RHBG: variants seen among roughly 807,000 people sequenced by gnomAD.
RHBG encodes ammonium transporter Rh type B.
RHBG carries 39 observed loss-of-function variants against 40.1 expected under a neutral mutation model. That is an observed-to-expected ratio of 0.97 (90% CI 0.75 to 1.27). The LOEUF is 1.27. RHBG is among the 50% of genes most tolerant of loss of function. The probability of loss-of-function intolerance (pLI) is 0.00; values close to 1 mark genes in which losing one functional copy is unlikely to be tolerated. For missense variants in RHBG, 549 were observed against 588.1 expected, an observed-to-expected ratio of 0.93 and a Z score of 0.69; for synonymous variants, 237 against 252.5, an observed-to-expected ratio of 0.94 and a Z score of 0.58.
intron 7 of RHBG, 168 bp from the exon 8 acceptor site, chr1:156,382,580 C>A: frequency 1.2e-6 from 1 of 831,302 alleles, no homozygotes; most frequent in Non-Finnish European, 1.9e-6. Context: ...GTGGGCCTGG[C>A]TTGAGCAGTG....
rs749329354 is a variant in RHBG at position 156,369,396 on chromosome 1, C to G, written c.147C>G (p.Asn49Lys). 1 of 1,614,028 alleles carries G rather than the reference C, an allele frequency of 6.2e-7. No individual in the cohort carries two copies. ...ACGCTGCCCTCTGGCACCGGAGCAACCACAGTAACGCGGACAATGAATTTT... is the reference window on the plus strand; with the variant it reads ...ACGCTGCCCTCTGGCACCGGAGCAAGCACAGTAACGCGGACAATGAATTTT... ...KTDAALWHRS[N>K]HSNADNEFYF... Residue 49 changes from asparagine to lysine, a missense_variant, in exon 1 of 10, where the codon AAC (asparagine) becomes AAG (lysine). By Grantham distance (94) the Asn-to-Lys change is moderately conservative (BLOSUM62 0). Around this residue, in one of 3 missense-constraint regions of RHBG, gnomAD observed 99 missense variants for 85.2 expected, o/e 1.16. Coordinates refer to ENST00000537040, the MANE Select transcript of RHBG (RefSeq NM_020407.5).
chr1:156,369,513 C>T, intron 1 of RHBG, 77 bp downstream of exon 1: 1 of 1,430,308 alleles, frequency 7.0e-7, no homozygotes, highest in Admixed American at 2.5e-5. Context: ...TGGGAGGGAG[C>T]ATTTGGGTGC....
In RHBG at chr1:156,381,343, C is replaced by G. The variant is rs1352647700; in HGVS notation, c.674-4C>G. 1.2e-6 allele frequency: 2 copies of G among 1,613,876 alleles called. No homozygotes were observed. Among genetic ancestry groups the G allele is most frequent in the African/African-American group, 2.7e-5 (2 of 74,928 alleles). On this transcript the variant is annotated splice_region_variant and splice_polypyrimidine_tract_variant and intron_variant, in intron 4 of 9. Transcript: ENST00000537040. ...CTCACTCTGCCTGTCTGTCCACCAT[C>G]TAGGGACCATCTTCCTGTGGATCTT...
chr1:156,381,505 C>T lies in RHBG; in HGVS notation c.832C>T (p.Leu278Phe). The T allele has an allele frequency of 6.2e-7, 1 of 1,609,242 alleles. No homozygotes were observed. The highest frequency in any genetic ancestry group is 8.5e-7 in the Non-Finnish European group (1 of 1,177,232). Residue 278 changes from leucine (L) to phenylalanine (F), a missense_variant, in exon 5 of 10, where the codon CTT becomes TTT. Coordinates refer to ENST00000537040, the MANE Select transcript of RHBG (RefSeq NM_020407.5). ...AGCCCTTGTAGGGGAAGATGGGAGG[C>T]TTGACATGGTATGGGGAAGAGGACT... is the stretch of plus-strand genomic sequence containing the variant. ...LSALVGEDGR[L>F]DMVHIQNAAL...
intron 1 of RHBG, among the ~76,000 whole-genome samples, chr1:156,375,275 A>G (rs147289415): frequency 0.015 from 2,309 of 150,976 alleles, 57 homozygotes; most frequent in African/African-American, 0.054. Context: ...GTTTCGCCAT[A>G]TTGGCCAGGC....
At chr1:156,378,454 T>G in intron 4 of RHBG, 55 bp downstream of exon 4, 1 of 1,530,650 alleles carries the variant, frequency 6.5e-7, no homozygotes, top group Non-Finnish European at 8.8e-7. Flanking sequence ...AGGCCTCATC[T>G]GGGCCAGAGG....
intron 7 of RHBG, 26 bp downstream of exon 7, chr1:156,382,227 C>T: frequency 6.2e-7 from 1 of 1,614,018 alleles, no homozygotes; most frequent in Non-Finnish European, 8.5e-7. Flanking sequence ...ACCCGTACTG[C>T]AGTCGTCATC....
chr1:156,384,780 C>CA lies in RHBG; in HGVS notation c.1312_1313insA (p.Pro438HisfsTer5). On this transcript the variant is annotated frameshift_variant, in exon 10 of 10. Transcript: ENST00000537040. LOFTEE classifies it low-confidence loss of function (END_TRUNC). ...TCTACCCACTCCTGCCTTCCAGGTG[C>CA]CTGGCGAGCATGAGGATAAAGCCCA... 1 of 1,614,034 alleles carries CA rather than the reference C, an allele frequency of 6.2e-7. No individual in the cohort carries two copies. Among genetic ancestry groups the CA allele is most frequent in the Non-Finnish European group, 8.5e-7 (1 of 1,179,930 alleles).
At chr1:156,375,686 G>A (rs2101769854) in intron 1 of RHBG, among the ~76,000 whole-genome samples, 1 of 151,626 alleles carries the variant, frequency 6.6e-6, no homozygotes, top group South Asian at 2.1e-4. Context: ...TTTCTGACTT[G>A]TTGGTGTGCC....
chr1:156,380,328 C>T (rs547455727), intron 4 of RHBG, among the ~76,000 whole-genome samples: 75 of 151,890 alleles, frequency 4.9e-4, no homozygotes, highest in Non-Finnish European at 9.6e-4. Context: ...TCTCGAACCC[C>T]GAACCTTGTG....
Position 156,384,412 on chromosome 1 carries a change from A to G in RHBG, c.1235-115A>G, listed in dbSNP as rs561057802. On this transcript the variant is annotated intron_variant, in intron 8 of 9. Transcript: ENST00000537040. ...AAATACTGCTGTGTTTTGCCTGCAC[A>G]GGCATCATATTGGTCTTATGCCTCC... 1.1e-5 allele frequency: 10 copies of G among 921,970 alleles called. No homozygotes were observed. The South Asian group carries it at 1.3e-4, about 12-fold the overall frequency. 57.1% of individuals were successfully genotyped at this position (921,970 alleles called of 1,614,324 possible).
chr1:156,378,546 G>C, intron 4 of RHBG, 147 bp downstream of exon 4: 3 of 898,622 alleles, frequency 3.3e-6, no homozygotes, highest in Non-Finnish European at 5.1e-6. Flanking sequence ...GAGAGCTCTG[G>C]GACCTGCCTG....
chr1:156,380,220 C>T (rs1667525041), intron 4 of RHBG, among the ~76,000 whole-genome samples: 1 of 149,764 alleles, frequency 6.7e-6, no homozygotes, highest in Non-Finnish European at 1.5e-5. Context: ...AAGCAATTCT[C>T]CTGCCTCAGC....
At chr1:156,384,032 C>T (rs1667866833) in intron 8 of RHBG, among the ~76,000 whole-genome samples, 1 of 151,744 alleles carries the variant, frequency 6.6e-6, no homozygotes, top group Non-Finnish European at 1.5e-5. Flanking sequence ...TGGGGTTTCA[C>T]CATGTTGGCC....
In RHBG at chr1:156,385,041, G is replaced by A. The variant is rs1055158238; in HGVS notation, c.*196G>A. The stretch of plus-strand genomic sequence containing the variant: ...CTGGGAAATGGTGGGGAGTGGGGCC[G>A]TAACTGGGTACAATAGGGGGAACCT... On this transcript the variant is annotated 3_prime_UTR_variant, in exon 10 of 10. Coordinates refer to ENST00000537040, the MANE Select transcript of RHBG (RefSeq NM_020407.5). 6 of 552,366 alleles carry A rather than the reference G, an allele frequency of 1.1e-5. No homozygotes were observed. Among genetic ancestry groups the A allele is most frequent in the African/African-American group, 1.9e-5 (1 of 53,088 alleles). The allele number at this position is 552,366 out of a possible 1,614,324, so 34.2% of individuals were successfully genotyped here. A position where few individuals can be genotyped will look rare whatever the true frequency, so the allele number is the denominator to read the frequency against.
At position 156,369,278 on chromosome 1, in the gene RHBG, G is replaced by C. The variant is rs1396098837; in HGVS notation, c.29G>C (p.Gly10Ala). The stretch of plus-strand genomic sequence containing the variant: ...GCCGGGTCTCCTAGCCGCGCCGCGG[G>C]CCGGCGACTGCAGCTTCCCCTGCTG... MAGSPSRAA[G>A]RRLQLPLLCL... Residue 10 changes from glycine (G) to alanine (A), a missense_variant, in exon 1 of 10, where the codon GGC becomes GCC. Physicochemically the swap from Gly to Ala is moderately conservative, Grantham distance 60. Coordinates refer to ENST00000537040, the MANE Select transcript of RHBG (RefSeq NM_020407.5). 1 of 1,613,582 alleles carries C rather than the reference G, an allele frequency of 6.2e-7. No homozygotes were observed. The highest frequency in any genetic ancestry group is 8.5e-7 in the Non-Finnish European group (1 of 1,179,954).
At chr1:156,373,524 G>A (rs1666991423) in intron 1 of RHBG, among the ~76,000 whole-genome samples, 1 of 152,172 alleles carries the variant, frequency 6.6e-6, no homozygotes, top group Admixed American at 6.5e-5. Flanking sequence ...GATGTTGAGA[G>A]GTTGCCTTAT....
intron 1 of RHBG, among the ~76,000 whole-genome samples, chr1:156,373,960 A>C (rs927039098): frequency 6.6e-6 from 1 of 152,142 alleles, no homozygotes; most frequent in African/African-American, 2.4e-5. Context: ...TGTGTTGGGA[A>C]CATTCAGTAT....
In RHBG at chr1:156,378,057, G is replaced by A. The variant is rs575652633; in HGVS notation, c.442G>A (p.Gly148Arg). 100 of 1,602,238 alleles carry A rather than the reference G, an allele frequency of 6.2e-5. No individual in the cohort carries two copies. The Admixed American group carries it at 1.2e-3, about 19-fold the overall frequency. ...CTTTGGTGCCGTCCTGGGCAAGACC[G>A]GGCCTACCCAGCTGCTGCTCATGGC... The part of the protein sequence containing the change: ...ISFGAVLGKT[G>R]PTQLLLMALL... Residue 148 changes from glycine (G) to arginine (R), a missense_variant, in exon 3 of 10, where the codon GGG (glycine) becomes AGG (arginine). Coordinates refer to ENST00000537040, the MANE Select transcript of RHBG (RefSeq NM_020407.5).
Sources: gnomAD v4.1 joint callset for allele counts (sites outside exome capture counted in the v4.1 genomes callset) on GRCh38, gnomAD v4.1.1 for gene constraint, gnomAD v4.1.1 regional missense constraint, MANE v1.5 for transcripts, NCBI Gene and HGNC (gene_info 2026-07-23, HGNC 2026-07-21) for gene names.